Variants in DLG1 observed in about 807,000 individuals in gnomAD.
DLG1 encodes disks large homolog 1.
A neutral mutation model predicts 123.4 loss-of-function variants in DLG1; 42 were observed. The observed-to-expected ratio is 0.34, with a 90% CI of 0.27 to 0.44. The LOEUF is 0.44. Ranked by LOEUF, DLG1 falls within the 20% of genes least tolerant of loss-of-function variation. The pLI is 1.00. For synonymous variants in DLG1, 317 were observed against 356.2 expected (o/e 0.89, Z 1.24); for missense variants, 942 against 1,082.6 (o/e 0.87, Z 1.82).
At chr3:197,219,026 A>G (rs1335645838) in intron 4 of DLG1, among the ~76,000 whole-genome samples, 2 of 151,942 alleles carry the variant, frequency 1.3e-5, no homozygotes, top group African/African-American at 4.8e-5. Flanking sequence ...GCTACTCCGG[A>G]AGGCTGAGGC....
intron 4 of DLG1, among the ~76,000 whole-genome samples, chr3:197,221,135 T>G (rs1477272357): frequency 6.6e-6 from 1 of 152,228 alleles, no homozygotes; most frequent in Non-Finnish European, 1.5e-5. Context: ...CAAAGGGGCA[T>G]ACTCCTTTTA....
chr3:197,251,436 T>C (rs898482014), intron 4 of DLG1, among the ~76,000 whole-genome samples: 10 of 152,080 alleles, frequency 6.6e-5, no homozygotes, highest in African/African-American at 1.4e-4. Flanking sequence ...GGTACTGGAA[T>C]AAAAACAGAC....
chr3:197,204,382 T>C (rs1561441468), intron 4 of DLG1, among the ~76,000 whole-genome samples: 1 of 152,218 alleles, frequency 6.6e-6, no homozygotes, highest in African/African-American at 2.4e-5. Context: ...TAGAGCCACA[T>C]CCAGACAAAC....
intron 4 of DLG1, among the ~76,000 whole-genome samples, chr3:197,252,090 G>GT (rs1370455586): frequency 6.6e-6 from 1 of 152,076 alleles, no homozygotes; most frequent in East Asian, 1.9e-4. Context: ...TAGTGTGCTA[G>GT]TTGTCTCTCC....
intron 13 of DLG1, among the ~76,000 whole-genome samples, chr3:197,113,908 G>A (rs1047417187): frequency 1.6e-4 from 24 of 152,184 alleles, no homozygotes; most frequent in Non-Finnish European, 1.5e-5. Flanking sequence ...GTTTGAGCCC[G>A]TAAGTTTGAG....
In DLG1 at chr3:197,113,391, C is replaced by T. The variant is rs187487984; in HGVS notation, c.1443+2536G>A. On this transcript the variant is annotated intron_variant, in intron 13 of 24. Coordinates refer to ENST00000667157, the MANE Select transcript of DLG1 (RefSeq NM_001366207.1). ...TCTCCAAATGTGACTGTAGATTTGT[C>T]CATTTCCTTCCTTAGTTCTGATAAT... 9.9e-5 allele frequency among the ~76,000 whole-genome samples: 15 copies of T among 152,220 alleles called. No individual in the cohort carries two copies. In the East Asian group the frequency reaches 2.9e-3, roughly 29 times the overall value.
chr3:197,198,390 A>T lies in DLG1; in HGVS notation c.319-3801T>A, dbSNP rs987241634. Among the ~76,000 whole-genome samples the T allele has an allele frequency of 3.3e-5, 5 of 150,772 alleles. No individual in the cohort carries two copies. The Admixed American group carries it at 3.3e-4, about 10-fold the overall frequency. On this transcript the variant is annotated intron_variant, in intron 4 of 24. Transcript: ENST00000667157. Reference sequence around the variant, plus strand: ...GTAGTCCCAACTACTTGGGAGGCTGAGGCAGAGAATCGTTTGAAGCCGGGA... The same window carrying T: ...GTAGTCCCAACTACTTGGGAGGCTGTGGCAGAGAATCGTTTGAAGCCGGGA...
intron 4 of DLG1, among the ~76,000 whole-genome samples, chr3:197,231,915 A>C (rs1333345609): frequency 6.6e-6 from 1 of 152,232 alleles, no homozygotes; most frequent in African/African-American, 2.4e-5. Flanking sequence ...AATTAGAAGA[A>C]ATGAACAAAT....
intron 5 of DLG1, among the ~76,000 whole-genome samples, chr3:197,175,939 T>C (rs1806804682): frequency 6.6e-6 from 1 of 152,182 alleles, no homozygotes. Flanking sequence ...TATTAACACA[T>C]TATTTTAAAG....
chr3:197,163,687 A>ATTTTTTTTTTTTTTTTTT (rs56865627), intron 5 of DLG1, among the ~76,000 whole-genome samples: 5 of 102,036 alleles, frequency 4.9e-5, no homozygotes, highest in Admixed American at 1.2e-4. Context: ...ATGCTCAGCT[A>ATTTTTTTTTTTTTTTTTT]TTTTTTTTTT....
intron 11 of DLG1, among the ~76,000 whole-genome samples, chr3:197,127,866 A>G (rs138354284): frequency 4.9e-4 from 75 of 152,100 alleles, no homozygotes; most frequent in African/African-American, 1.7e-3. Flanking sequence ...GAATAGCATT[A>G]TGTCTAAAAA....
intron 4 of DLG1, 190 bp downstream of exon 4, chr3:197,282,487 CAG>C (rs2151154407): frequency 2.7e-6 from 1 of 374,458 alleles, no homozygotes. Flanking sequence ...CATTTTAAAA[CAG>C]GGGCAACAGA....
chr3:197,222,942 C>T (rs1479747256), intron 4 of DLG1, among the ~76,000 whole-genome samples: 3 of 152,216 alleles, frequency 2.0e-5, no homozygotes, highest in Non-Finnish European at 4.4e-5. Flanking sequence ...ACTAGCTTCA[C>T]AAAATATAAG....
At chr3:197,223,840 T>C (rs1267511265) in intron 4 of DLG1, among the ~76,000 whole-genome samples, 2 of 152,198 alleles carry the variant, frequency 1.3e-5, no homozygotes, top group African/African-American at 2.4e-5. Flanking sequence ...ACTTGTCAGT[T>C]TCACCACAAA....
chr3:197,161,711 G>A (rs745500685), intron 5 of DLG1: 1 of 1,575,924 alleles, frequency 6.3e-7, no homozygotes, highest in East Asian at 2.4e-5. Context: ...GGGACAGTGG[G>A]AGGAGAGGGA....
chr3:197,054,820 T>C (rs1266976587), intron 23 of DLG1, among the ~76,000 whole-genome samples: 1 of 151,436 alleles, frequency 6.6e-6, no homozygotes, highest in East Asian at 1.9e-4. Flanking sequence ...AATTTTTGTT[T>C]ATTTTTTTTT....
At chr3:197,283,040 T>C (rs1006234823) in intron 3 of DLG1, among the ~76,000 whole-genome samples, 195 bp from the exon 4 acceptor site, 6 of 152,310 alleles carry the variant, frequency 3.9e-5, no homozygotes, top group African/African-American at 1.4e-4. Context: ...CAGGGCACAG[T>C]GTAAAATTCA....
intron 23 of DLG1, among the ~76,000 whole-genome samples, chr3:197,059,086 C>G (rs557725708): frequency 6.6e-6 from 1 of 152,074 alleles, no homozygotes; most frequent in Non-Finnish European, 1.5e-5. Flanking sequence ...CGACCACGCC[C>G]GGCTAATTTT....
intron 3 of DLG1, among the ~76,000 whole-genome samples, chr3:197,288,652 C>T (rs1251479217): frequency 6.0e-5 from 8 of 133,966 alleles, no homozygotes; most frequent in African/African-American, 1.1e-4. Context: ...ACCTAGGAGG[C>T]GGAGGTTGTG....
Sources: allele counts gnomAD v4.1 joint callset (sites outside exome capture counted in the v4.1 genomes callset), GRCh38; gene constraint gnomAD v4.1.1; transcripts MANE v1.5; gene names NCBI Gene and HGNC (gene_info 2026-07-23, HGNC 2026-07-21).